Variants in TSPEAR observed in about 807,000 individuals in gnomAD.
TSPEAR encodes thrombospondin-type laminin G domain and EAR repeat-containing protein.
Under a neutral mutation model 71.6 loss-of-function variants are expected in TSPEAR, and 69 were observed. The observed-to-expected ratio is 0.96, with a 90% CI of 0.79 to 1.18. TSPEAR has a LOEUF of 1.18. TSPEAR is among the 50% of genes most tolerant of loss of function. The pLI is 0.00. For missense variants in TSPEAR, 971 were observed against 894.9 expected (o/e 1.09, Z -1.09); for synonymous variants, 402 against 387.2 (o/e 1.04, Z -0.45).
intron 1 of TSPEAR, among the ~76,000 whole-genome samples, chr21:44,701,960 C>T (rs894901586): frequency 2.6e-5 from 4 of 152,172 alleles, no homozygotes; most frequent in African/African-American, 9.7e-5. Flanking sequence ...CATCTCCTGC[C>T]CTGTTTTCCT....
intron 2 of TSPEAR, among the ~76,000 whole-genome samples, chr21:44,553,194 C>T (rs782271312): frequency 6.6e-5 from 10 of 152,192 alleles, no homozygotes; most frequent in Non-Finnish European, 1.3e-4. Context: ...AACTTCTTGT[C>T]GAAGTTACTA....
intron 7 of TSPEAR, 27 bp from the exon 8 acceptor site, chr21:44,525,866 T>G: frequency 6.2e-7 from 1 of 1,612,146 alleles, no homozygotes; most frequent in Non-Finnish European, 8.5e-7. Flanking sequence ...CGGGACCACG[T>G]GGTTCTGCTT....
At chr21:44,581,552 C>G (rs975079664) in intron 1 of TSPEAR, among the ~76,000 whole-genome samples, 1 of 152,206 alleles carries the variant, frequency 6.6e-6, no homozygotes, top group Non-Finnish European at 1.5e-5. Context: ...CTCCGTTTAA[C>G]TCTCTGGGAA....
rs782377879 is a variant in TSPEAR, at chr21:44,527,277, C to T, written c.1149+15G>A. ...AGAGAAAGGGGATGGAGAAAGTCAC[C>T]GAACACAGACTTGCCTTTTTCCCGA... is the stretch of plus-strand genomic sequence containing the variant. On this transcript the variant is annotated intron_variant, in intron 7 of 11. Coordinates refer to ENST00000323084, the MANE Select transcript of TSPEAR (RefSeq NM_144991.3). The T allele has an allele frequency of 5.1e-5, 82 of 1,613,586 alleles. No homozygotes were observed. The highest frequency in any genetic ancestry group is 6.4e-5 in the Non-Finnish European group (75 of 1,179,716).
intron 1 of TSPEAR, among the ~76,000 whole-genome samples, chr21:44,645,597 C>G (rs1984279245): frequency 1.3e-5 from 2 of 152,070 alleles, no homozygotes; most frequent in South Asian, 4.2e-4. Context: ...CGTGATCCAC[C>G]CACCTCAGCC....
At chr21:44,704,483 TAAA>T (rs1242412143) in intron 1 of TSPEAR, among the ~76,000 whole-genome samples, 1 of 152,084 alleles carries the variant, frequency 6.6e-6, no homozygotes, top group African/African-American at 2.4e-5. Flanking sequence ...AGCTGGCGGG[TAAA>T]ACCCACGGCC....
intron 1 of TSPEAR, among the ~76,000 whole-genome samples, chr21:44,624,362 G>T (rs1037525625): frequency 1.3e-5 from 2 of 152,140 alleles, no homozygotes; most frequent in African/African-American, 4.8e-5. Context: ...AATATCTAAA[G>T]GTCCTGTGTA....
intron 9 of TSPEAR, among the ~76,000 whole-genome samples, chr21:44,514,568 C>T (rs1330633985): frequency 6.6e-6 from 1 of 152,142 alleles, no homozygotes; most frequent in Non-Finnish European, 1.5e-5. Flanking sequence ...GCAACACCTT[C>T]TGAGGTCTGC....
intron 1 of TSPEAR, among the ~76,000 whole-genome samples, chr21:44,590,559 C>T (rs1301651119): frequency 2.0e-5 from 3 of 152,188 alleles, no homozygotes; most frequent in Non-Finnish European, 4.4e-5. Flanking sequence ...GAATACTGGG[C>T]TGCTGGGCTC....
At chr21:44,644,377 G>A (rs2838609) in intron 1 of TSPEAR, among the ~76,000 whole-genome samples, 23,948 of 152,126 alleles carry the variant, frequency 0.16, 2,109 homozygotes, top group Non-Finnish European at 0.2. Flanking sequence ...GCATCACCAA[G>A]TCCTTCAGTC....
chr21:44,538,430 C>A (rs56200725), intron 2 of TSPEAR, among the ~76,000 whole-genome samples: 8 of 144,784 alleles, frequency 5.5e-5, no homozygotes, highest in East Asian at 2.0e-4. Context: ...CTGCCCCCCC[C>A]CCCCCCAAGA....
In TSPEAR at chr21:44,612,685, G is replaced by A. The variant is rs140887273; in HGVS notation, c.83-44680C>T. ...GCTGCCAGAAGTCTAGCTGCCAGCC[G>A]GCTTGCTGCACCACCTCCTGCTGCA... is the stretch of plus-strand genomic sequence containing the variant. On this transcript the variant is annotated intron_variant, in intron 1 of 11. Coordinates refer to ENST00000323084, the MANE Select transcript of TSPEAR (RefSeq NM_144991.3). This position sits in a 1 kb window ranked among gnomAD's most constrained non-coding sequence, Gnocchi z 4.1. 3.2e-4 allele frequency: 521 copies of A among 1,613,830 alleles called. 1 individual carries two copies. In the African/African-American group the frequency reaches 5.3e-3, roughly 17 times the overall value.
intron 1 of TSPEAR, chr21:44,666,793 C>T: frequency 3.1e-6 from 5 of 1,611,826 alleles, no homozygotes; most frequent in Non-Finnish European, 4.2e-6. Context: ...CAGCAGGATG[C>T]CTGGCAGGAG....
chr21:44,636,286 C>T (rs1320878432), intron 1 of TSPEAR, among the ~76,000 whole-genome samples: 4 of 152,322 alleles, frequency 2.6e-5, no homozygotes, highest in Admixed American at 2.0e-4. Context: ...TTTATGCTTT[C>T]GTTCACATCT....
chr21:44,547,653 T>G (rs1048674851), intron 2 of TSPEAR, among the ~76,000 whole-genome samples: 37 of 152,200 alleles, frequency 2.4e-4, no homozygotes, highest in African/African-American at 8.4e-4. Context: ...TGACAGAGAG[T>G]TCCTTAAACG....
Position 44,619,311 on chromosome 21 carries a change from C to G in TSPEAR, c.83-51306G>C, listed in dbSNP as rs181634783. ...ATGGTGAAGAAACTATTTTTAAAAA[C>G]TGACAGAAACAAACAAAAACAACCA... On this transcript the variant is annotated intron_variant, in intron 1 of 11. Transcript: ENST00000323084. 3.3e-5 allele frequency among the ~76,000 whole-genome samples: 5 copies of G among 152,346 alleles called. No individual in the cohort carries two copies. The East Asian group carries it at 9.6e-4, about 29-fold the overall frequency.
At chr21:44,562,053 A>G (rs2053642142) in intron 2 of TSPEAR, among the ~76,000 whole-genome samples, 1 of 152,226 alleles carries the variant, frequency 6.6e-6, no homozygotes, top group Admixed American at 6.5e-5. Flanking sequence ...CTCTGTTTGC[A>G]GGTGACATGA....
chr21:44,579,557 G>A (rs1978726688), intron 1 of TSPEAR: 1 of 650,096 alleles, frequency 1.5e-6, no homozygotes, highest in Admixed American at 3.0e-5. Context: ...GGAGGACAGG[G>A]GACCCAACAG....
intron 9 of TSPEAR, chr21:44,509,753 G>A (rs2052313599): frequency 3.7e-6 from 1 of 268,290 alleles, no homozygotes; most frequent in Non-Finnish European, 7.3e-6. Context: ...TGCCAGCTGT[G>A]CCCAGCCCTG....
Sources: gnomAD v4.1 joint callset for allele counts (sites outside exome capture counted in the v4.1 genomes callset) on GRCh38, gnomAD v4.1.1 for gene constraint, Gnocchi (gnomAD v3.1) non-coding constraint, MANE v1.5 for transcripts, NCBI Gene and HGNC (gene_info 2026-07-23, HGNC 2026-07-21) for gene names.